KAZALD1: variants seen among roughly 807,000 people sequenced by gnomAD.
KAZALD1 encodes the protein kazal-type serine protease inhibitor domain-containing protein 1.
Under a neutral mutation model 27.7 loss-of-function variants are expected in KAZALD1, and 31 were observed. That is an observed-to-expected ratio of 1.12 (90% CI 0.84 to 1.51). The LOEUF (loss-of-function observed/expected upper bound fraction) is 1.51, where lower values mean the gene tolerates loss of function less well. KAZALD1 is among the 40% of genes most tolerant of loss of function. The pLI is 0.00. For missense variants in KAZALD1, 444 were observed against 408.9 expected (o/e 1.09, Z -0.74); for synonymous variants, 179 against 182.0 (o/e 0.98, Z 0.13).
At chr10:101,062,337 C>T (rs949992886) in intron 1 of KAZALD1, among the ~76,000 whole-genome samples, 1 of 152,214 alleles carries the variant, frequency 6.6e-6, no homozygotes, top group Admixed American at 6.5e-5. Flanking sequence ...CACTCCCAGC[C>T]CTCCCAAGAA....
rs1264056223 is a variant in KAZALD1 at position 101,065,579 on chromosome 10, T to C, written c.*659T>C. On this transcript the variant is annotated 3_prime_UTR_variant, in exon 5 of 5. Transcript: ENST00000370200. ...AGGGCTAGGCACCAATAAAGATTTC[T>C]AATGATGCACAGACAGTTTATGCAG... 6.6e-6 allele frequency: 1 copy of C among 151,080 alleles called. No individual in the cohort carries two copies. Among genetic ancestry groups the C allele is most frequent in the Non-Finnish European group, 1.5e-5 (1 of 68,606 alleles). The allele number at this position is 151,080 out of a possible 1,614,324, so 9.4% of individuals were successfully genotyped here.
rs1261510139 is a variant in KAZALD1, at chr10:101,066,246, T to G, written c.*1326T>G. 1 of 360,918 alleles carries G rather than the reference T, an allele frequency of 2.8e-6. No individual in the cohort carries two copies. The highest frequency in any genetic ancestry group is 5.6e-6 in the Non-Finnish European group (1 of 177,608). The allele number at this position is 360,918 out of a possible 1,614,324, so 22.4% of individuals were successfully genotyped here. ...GGCTCCACCCGGATCCTGGCGCCAC[T>G]GCGGGAGGGCCTGCCCTTGGCTCAG... On this transcript the variant is annotated 3_prime_UTR_variant, in exon 5 of 5. Transcript: ENST00000370200.
rs1484758125 is a variant in KAZALD1, at chr10:101,066,570, T to G, written c.*1650T>G. On this transcript the variant is annotated 3_prime_UTR_variant, in exon 5 of 5. Coordinates refer to ENST00000370200, the MANE Select transcript of KAZALD1 (RefSeq NM_030929.5). Reference sequence around the variant, plus strand: ...AGGGGTAGGCGGGGGTGGGGCGTGCTGTTCGGCGCTGTGGCCAAAATCCGC... The same window carrying G: ...AGGGGTAGGCGGGGGTGGGGCGTGCGGTTCGGCGCTGTGGCCAAAATCCGC... 2.3e-6 allele frequency: 1 copy of G among 439,780 alleles called. No homozygotes were observed. Among genetic ancestry groups the G allele is most frequent in the Non-Finnish European group, 4.7e-6 (1 of 214,748 alleles). 27.2% of individuals were successfully genotyped at this position (439,780 alleles called of 1,614,324 possible).
rs752414528 is a variant in KAZALD1, at chr10:101,062,614, G to T, written c.22G>T (p.Ala8Ser). Reference sequence around the variant, plus strand: ...AACCATGCTGCCGCCGCCGCGGCCCGCAGCTGCCTTGGCGCTGCCTGTGCT... The same window carrying T: ...AACCATGCTGCCGCCGCCGCGGCCCTCAGCTGCCTTGGCGCTGCCTGTGCT... The part of the protein sequence containing the change: MLPPPRP[A>S]AALALPVLLL... The change falls in exon 2 of 5, where the codon GCA becomes TCA. Residue 8 changes from alanine (A) to serine (S), a missense_variant. Physicochemically the swap from Ala to Ser is moderately conservative, Grantham distance 99. Coordinates refer to ENST00000370200, the MANE Select transcript of KAZALD1 (RefSeq NM_030929.5). 1.9e-6 allele frequency: 3 copies of T among 1,581,590 alleles called. No individual in the cohort carries two copies. The highest frequency in any genetic ancestry group is 2.6e-6 in the Non-Finnish European group (3 of 1,172,794).
chr10:101,063,062 A>T lies in KAZALD1; in HGVS notation c.470A>T (p.Asp157Val). 1 of 1,579,228 alleles carries T rather than the reference A, an allele frequency of 6.3e-7. No homozygotes were observed. The highest frequency in any genetic ancestry group is 8.6e-7 in the Non-Finnish European group (1 of 1,166,046). The change falls in exon 2 of 5, where the codon GAT (aspartate) becomes GTT (valine). Residue 157 changes from aspartate to valine, a missense_variant. Physicochemically the swap from Asp to Val is radical, Grantham distance 152 (BLOSUM62 -3). Coordinates refer to ENST00000370200, the MANE Select transcript of KAZALD1 (RefSeq NM_030929.5). ...CAGGAGGCGGCCCGCGCTCGGCCCGATGCCAACCTCACTGTGGCACACCCG... is the reference window on the plus strand; with the variant it reads ...CAGGAGGCGGCCCGCGCTCGGCCCGTTGCCAACCTCACTGTGGCACACCCG... The part of the protein sequence containing the change: ...RLQEAARARP[D>V]ANLTVAHPGP...
downstream of KAZALD1, chr10:101,067,789 A>G (rs1939363715): frequency 2.6e-6 from 1 of 388,496 alleles, no homozygotes; most frequent in Non-Finnish European, 5.3e-6. Flanking sequence ...CCGAAGCTGG[A>G]GAGCGCCCCT....
rs7100558 is a variant in KAZALD1 at position 101,065,944 on chromosome 10, G to A, written c.*1024G>A. Reference sequence around the variant, plus strand: ...ACTGGATAGAGGAGGGTGGAAGTTTGGTCACCTGTGTGGTCCATACCCTTC... The same window carrying A: ...ACTGGATAGAGGAGGGTGGAAGTTTAGTCACCTGTGTGGTCCATACCCTTC... On this transcript the variant is annotated 3_prime_UTR_variant, in exon 5 of 5. Coordinates refer to ENST00000370200, the MANE Select transcript of KAZALD1 (RefSeq NM_030929.5). Among the ~76,000 whole-genome samples, 1,732 of 152,282 alleles carry A rather than the reference G, an allele frequency of 0.011. 40 individuals are homozygous for A. The highest frequency in any genetic ancestry group is 0.039 in the African/African-American group (1,641 of 41,560).
At chr10:101,062,164 C>T (rs11190810) in intron 1 of KAZALD1, 49 bp downstream of exon 1, 20,433 of 199,956 alleles carry the variant, frequency 0.1, 1,514 homozygotes, top group South Asian at 0.17. Flanking sequence ...TCAGCCCCCC[C>T]AGTTCTCACC....
rs745852094 is a variant in KAZALD1 at position 101,062,715 on chromosome 10, C to A, written c.123C>A (p.Arg41=). 14 of 1,532,172 alleles carry A rather than the reference C, an allele frequency of 9.1e-6. No individual in the cohort carries two copies. Among genetic ancestry groups the A allele is most frequent in the Non-Finnish European group, 1.2e-5 (14 of 1,147,972 alleles). 94.9% of individuals were successfully genotyped at this position (1,532,172 alleles called of 1,614,324 possible). A position where few individuals can be genotyped will look rare whatever the true frequency, so the allele number is the denominator to read the frequency against. ...CCCCAGGCCCAGATTACCTGCGGCG[C>A]GGCTGGATGCGGCTGCTAGCGGAGG... ...RPSPGPDYLR[R]GWMRLLAEGE... The change falls in exon 2 of 5, where the codon CGC becomes CGA. Residue 41 remains arginine (R), a synonymous_variant. Transcript: ENST00000370200.
rs1304250390 is a variant in KAZALD1 at position 101,065,845 on chromosome 10, C to T, written c.*925C>T. Among the ~76,000 whole-genome samples the T allele has an allele frequency of 6.6e-6, 1 of 152,258 alleles. No homozygotes were observed. The highest frequency in any genetic ancestry group is 1.5e-5 in the Non-Finnish European group (1 of 68,046). On this transcript the variant is annotated 3_prime_UTR_variant, in exon 5 of 5. Coordinates refer to ENST00000370200, the MANE Select transcript of KAZALD1 (RefSeq NM_030929.5). Reference sequence around the variant, plus strand: ...ATACATTATCTGCTTCTTTGCTCATCTTATTCCAAACCCTTCCCCAGGCCA... The same window carrying T: ...ATACATTATCTGCTTCTTTGCTCATTTTATTCCAAACCCTTCCCCAGGCCA...
Position 101,065,222 on chromosome 10 carries a change from A to G in KAZALD1, c.*302A>G, listed in dbSNP as rs75741342. 2,619 of 363,360 alleles carry G rather than the reference A, an allele frequency of 7.2e-3. 51 individuals carry two copies. The highest frequency in any genetic ancestry group is 0.048 in the African/African-American group (2,343 of 48,538). The allele number at this position is 363,360 out of a possible 1,614,324, so 22.5% of individuals were successfully genotyped here. A position where few individuals can be genotyped will look rare whatever the true frequency, so the allele number is the denominator to read the frequency against. ...TTTCCCAGGCTGGGGTGGGGGCCTG[A>G]GCAGACACAGAGGTGCAGGCACCAG... On this transcript the variant is annotated 3_prime_UTR_variant, in exon 5 of 5. Transcript: ENST00000370200.
downstream of KAZALD1, chr10:101,068,122 G>T (rs141201209): frequency 7.0e-6 from 3 of 426,498 alleles, no homozygotes; most frequent in East Asian, 2.2e-4. Flanking sequence ...ATAAAAAAAA[G>T]ATGCTTCAAT....
rs959795126 is a variant in KAZALD1, at chr10:101,064,645, C to T, written c.817C>T (p.Pro273Ser). ...EAPASLTVLT[P>S]DQLNSTGIPQ... ...CCCTGCTAGCTTGACAGTGCTCACA[C>T]CTGGTAAGGGGATTCCTGAGTTCTG... The change falls in exon 4 of 5, where the codon CCT (proline) becomes TCT (serine). Residue 273 changes from proline to serine, a missense_variant. Physicochemically the swap from Pro to Ser is moderately conservative, Grantham distance 74. Coordinates refer to ENST00000370200, the MANE Select transcript of KAZALD1 (RefSeq NM_030929.5). 1 of 1,613,536 alleles carries T rather than the reference C, an allele frequency of 6.2e-7. No individual in the cohort carries two copies. The highest frequency in any genetic ancestry group is 8.5e-7 in the Non-Finnish European group (1 of 1,180,032).
chr10:101,063,223 C>T, intron 2 of KAZALD1, 120 bp downstream of exon 2: 1 of 860,370 alleles, frequency 1.2e-6, no homozygotes, highest in South Asian at 1.9e-5. Flanking sequence ...ATAGAGGCCT[C>T]GAGTCCAGTA....
Position 101,065,154 on chromosome 10 carries a change from C to A in KAZALD1, c.*234C>A. ...CAGGACCGGTGGGGTACAAAGGGGCCCATGCAGGAGATGCCCTGGCCAGTA... is the reference window on the plus strand; with the variant it reads ...CAGGACCGGTGGGGTACAAAGGGGCACATGCAGGAGATGCCCTGGCCAGTA... On this transcript the variant is annotated 3_prime_UTR_variant, in exon 5 of 5. Transcript: ENST00000370200. The A allele has an allele frequency of 1.9e-6, 1 of 521,776 alleles. No individual in the cohort carries two copies. The highest frequency in any genetic ancestry group is 3.5e-6 in the Non-Finnish European group (1 of 289,402). 32.3% of individuals were successfully genotyped at this position (521,776 alleles called of 1,614,324 possible).
chr10:101,065,124 G>A lies in KAZALD1; in HGVS notation c.*204G>A, dbSNP rs1939287455. The stretch of plus-strand genomic sequence containing the variant: ...CTGGAGGAGGGTAGGGAGAGAAGCT[G>A]AGACCAGGACCGGTGGGGTACAAAG... On this transcript the variant is annotated 3_prime_UTR_variant, in exon 5 of 5. Transcript: ENST00000370200. 1.7e-6 allele frequency: 1 copy of A among 575,978 alleles called. No homozygotes were observed. Among genetic ancestry groups the A allele is most frequent in the Admixed American group, 3.0e-5 (1 of 33,416 alleles). 35.7% of individuals were successfully genotyped at this position (575,978 alleles called of 1,614,324 possible).
rs945506074 is a variant in KAZALD1 at position 101,064,827 on chromosome 10, C to A, written c.822C>A (p.Asp274Glu). Residue 274 changes from aspartate to glutamate, a missense_variant and splice_region_variant, in exon 5 of 5, where the codon GAC becomes GAA. Transcript: ENST00000370200. ...APASLTVLTP[D>E]QLNSTGIPQL... is the part of the protein sequence containing the mutation. ...TTCTTTGCCCATGTGTGTTTGCAGA[C>A]CAGCTGAACTCTACAGGCATCCCCC... 2 of 1,613,830 alleles carry A rather than the reference C, an allele frequency of 1.2e-6. No homozygotes were observed. The highest frequency in any genetic ancestry group is 1.7e-6 in the Non-Finnish European group (2 of 1,179,850).
Position 101,062,572 on chromosome 10 carries a change from T to TC in KAZALD1, c.-20dup. ...CCGAACGCGCTGATGCCCCGAGTGCTCGCAGGGCTTCCCGCTAACCATGCT... is the reference window on the plus strand; with the variant it reads ...CCGAACGCGCTGATGCCCCGAGTGCTCCGCAGGGCTTCCCGCTAACCATGCT... On this transcript the variant is annotated 5_prime_UTR_variant, in exon 2 of 5. It introduces an in-frame stop codon into an upstream open reading frame of the 5' UTR. Coordinates refer to ENST00000370200, the MANE Select transcript of KAZALD1 (RefSeq NM_030929.5). The TC allele has an allele frequency of 3.8e-6, 6 of 1,580,090 alleles. No individual in the cohort carries two copies. Among genetic ancestry groups the TC allele is most frequent in the Non-Finnish European group, 5.1e-6 (6 of 1,172,622 alleles).
Position 101,062,856 on chromosome 10 carries a change from G to A in KAZALD1, c.264G>A (p.Gln88=). ...GGGAATGCGCCAACCTCGAGGGCCAGCTCTGCGACCTGGACCCCAGTGCTC... is the reference window on the plus strand; with the variant it reads ...GGGAATGCGCCAACCTCGAGGGCCAACTCTGCGACCTGGACCCCAGTGCTC... ...CCWECANLEG[Q]LCDLDPSAHF... is the part of the protein sequence containing the mutation. Residue 88 remains glutamine (Q), a synonymous_variant, in exon 2 of 5, where the codon CAG becomes CAA. Transcript: ENST00000370200. 1 of 1,599,378 alleles carries A rather than the reference G, an allele frequency of 6.3e-7. No homozygotes were observed.
Sources: allele counts gnomAD v4.1 joint callset (sites outside exome capture counted in the v4.1 genomes callset), GRCh38; gene constraint gnomAD v4.1.1; transcripts MANE v1.5; gene names NCBI Gene and HGNC (gene_info 2026-07-23, HGNC 2026-07-21).